The following SEC14L1 variants were observed in gnomAD, a reference collection of about 807,000 sequenced individuals.
SEC14L1 encodes the protein SEC14 like lipid binding 1.
A neutral mutation model predicts 85.3 loss-of-function variants in SEC14L1; 48 were observed. The ratio of observed to expected loss-of-function variants is 0.56; its 90% CI spans 0.45 to 0.72. The LOEUF (loss-of-function observed/expected upper bound fraction) is 0.72. SEC14L1 is among the 30% of genes least tolerant of loss of function. The probability of loss-of-function intolerance (pLI) is 0.00; values close to 1 mark genes in which losing one functional copy is unlikely to be tolerated. For synonymous variants in SEC14L1, 391 were observed against 355.5 expected (o/e 1.10, Z -1.12); for missense variants, 682 against 921.4 (o/e 0.74, Z 3.36).
chr17:77,162,714 C>A (rs1974118636), intron 3 of SEC14L1, among the ~76,000 whole-genome samples: 1 of 151,826 alleles, frequency 6.6e-6, no homozygotes, highest in Admixed American at 6.6e-5. Flanking sequence ...CCTGTAATCG[C>A]AGCTACTCGG....
chr17:77,206,373 C>T lies in SEC14L1; in HGVS notation c.1314C>T (p.Pro438=), dbSNP rs201770188. ...TLGRLLILRA[P]RVFPVLWTLV... The stretch of plus-strand genomic sequence containing the variant: ...GCCGCCTTCTCATCCTGCGGGCGCC[C>T]AGGGTATTTCCTGTGCTCTGGACGC... Residue 438 remains proline, a synonymous_variant, in exon 12 of 17, where the codon CCC becomes CCT. Coordinates refer to ENST00000436233, the MANE Select transcript of SEC14L1 (RefSeq NM_001143998.2). The surrounding 1 kb of genome is among the most constrained non-coding windows in gnomAD (Gnocchi z 4.3). 3.1e-6 allele frequency: 5 copies of T among 1,614,060 alleles called. No homozygotes were observed. Among genetic ancestry groups the T allele is most frequent in the Non-Finnish European group, 3.4e-6 (4 of 1,179,998 alleles).
At chr17:77,131,190 G>A (rs1027692529) in intron 3 of SEC14L1, among the ~76,000 whole-genome samples, 3 of 152,222 alleles carry the variant, frequency 2.0e-5, no homozygotes, top group Non-Finnish European at 2.9e-5. Context: ...TTGTGGAACC[G>A]AATAGGCTGT....
intron 3 of SEC14L1, among the ~76,000 whole-genome samples, chr17:77,110,788 G>A (rs1168637072): frequency 6.6e-6 from 1 of 150,798 alleles, no homozygotes; most frequent in Non-Finnish European, 1.5e-5. Context: ...GGAGGCTGAG[G>A]CAGGAGAATG....
At position 77,213,022 on chromosome 17, in the gene SEC14L1, G is replaced by A. The variant is rs1272113247; in HGVS notation, c.1864-292G>A. On this transcript the variant is annotated intron_variant, in intron 15 of 16. Coordinates refer to ENST00000436233, the MANE Select transcript of SEC14L1 (RefSeq NM_001143998.2). This position sits in a 1 kb window ranked among gnomAD's most constrained non-coding sequence, Gnocchi z 7.1. Reference sequence around the variant, plus strand: ...CCTCCAGCATGGGTGCCACCAGCCTGCCAGGCTCCTGCCTCCGTAGGTGGG... The same window carrying A: ...CCTCCAGCATGGGTGCCACCAGCCTACCAGGCTCCTGCCTCCGTAGGTGGG... 1.3e-5 allele frequency among the ~76,000 whole-genome samples: 2 copies of A among 152,232 alleles called. No homozygotes were observed. Among genetic ancestry groups the A allele is most frequent in the African/African-American group, 4.8e-5 (2 of 41,472 alleles).
rs564711885 is a variant in SEC14L1, at chr17:77,214,863, T to C, written c.*840T>C. Reference sequence around the variant, plus strand: ...AGTGTAGGCCATCTCCTCTGTGCCCTCTGGTGGCTCATTGTCCTCAGAGCC... The same window carrying C: ...AGTGTAGGCCATCTCCTCTGTGCCCCCTGGTGGCTCATTGTCCTCAGAGCC... On this transcript the variant is annotated 3_prime_UTR_variant, in exon 17 of 17. Transcript: ENST00000436233. 47 of 985,452 alleles carry C rather than the reference T, an allele frequency of 4.8e-5. 1 individual carries two copies. In the South Asian group the frequency reaches 1.8e-3, roughly 37 times the overall value. The allele number at this position is 985,452 out of a possible 1,614,324, so 61.0% of individuals were successfully genotyped here.
At chr17:77,145,613 G>A (rs1338941131) in intron 3 of SEC14L1, among the ~76,000 whole-genome samples, 1 of 152,164 alleles carries the variant, frequency 6.6e-6, no homozygotes, top group Non-Finnish European at 1.5e-5. Context: ...CATGTTATCT[G>A]TGCTGTTTTG....
intron 14 of SEC14L1, chr17:77,211,749 T>C: frequency 1.6e-6 from 1 of 644,616 alleles, no homozygotes; most frequent in Admixed American, 2.9e-5. Flanking sequence ...CAGAGCTTGG[T>C]GCATGACATG....
At position 77,206,646 on chromosome 17, in the gene SEC14L1, C is replaced by G. The variant is rs566918143; in HGVS notation, c.1342-82C>G. 3.5e-5 allele frequency: 53 copies of G among 1,505,774 alleles called. No homozygotes were observed. In the South Asian group the frequency reaches 6.2e-4, roughly 18 times the overall value. 93.3% of individuals were successfully genotyped at this position (1,505,774 alleles called of 1,614,324 possible). On this transcript the variant is annotated intron_variant, in intron 12 of 16. Transcript: ENST00000436233. The surrounding 1 kb of genome is among the most constrained non-coding windows in gnomAD (Gnocchi z 4.3). ...TGAATGTCTTCCCCCCACCCTCCCA[C>G]TCAGAATACCACATTGTCATTTTAA...
chr17:77,182,938 G>T (rs932690426), intron 3 of SEC14L1, among the ~76,000 whole-genome samples: 1 of 152,262 alleles, frequency 6.6e-6, no homozygotes, highest in Non-Finnish European at 1.5e-5. Context: ...GCCCCAAGGA[G>T]CTGGAGCCAG....
At chr17:77,184,590 A>G (rs976429261) in intron 3 of SEC14L1, among the ~76,000 whole-genome samples, 1 of 152,112 alleles carries the variant, frequency 6.6e-6, no homozygotes, top group African/African-American at 2.4e-5. Context: ...TCCCTTGGGC[A>G]TATGCCCATC....
Position 77,216,637 on chromosome 17 carries a change from A to C in SEC14L1, c.*2614A>C, listed in dbSNP as rs1278823173. On this transcript the variant is annotated 3_prime_UTR_variant, in exon 17 of 17. Transcript: ENST00000436233. ...ATGTTTATAGAACTGTTTGAATTGC[A>C]GCCATCCCCTGCCCCCTCCCAGGCT... 1.2e-6 allele frequency: 2 copies of C among 1,611,622 alleles called. No homozygotes were observed. The highest frequency in any genetic ancestry group is 8.5e-7 in the Non-Finnish European group (1 of 1,178,196).
At chr17:77,105,919 G>A (rs948685742) in intron 3 of SEC14L1, among the ~76,000 whole-genome samples, 1 of 152,054 alleles carries the variant, frequency 6.6e-6, no homozygotes, top group Non-Finnish European at 1.5e-5. Context: ...AAGCCCCAGG[G>A]AGGGGATTTG....
intron 3 of SEC14L1, among the ~76,000 whole-genome samples, chr17:77,188,344 G>A (rs1323424812): frequency 1.3e-5 from 2 of 151,136 alleles, no homozygotes; most frequent in Non-Finnish European, 2.9e-5. Flanking sequence ...TTCTGTTTTC[G>A]GTTTCTCTAG....
chr17:77,216,639 C>T lies in SEC14L1; in HGVS notation c.*2616C>T. On this transcript the variant is annotated 3_prime_UTR_variant, in exon 17 of 17. Coordinates refer to ENST00000436233, the MANE Select transcript of SEC14L1 (RefSeq NM_001143998.2). Reference sequence around the variant, plus strand: ...GTTTATAGAACTGTTTGAATTGCAGCCATCCCCTGCCCCCTCCCAGGCTGA... The same window carrying T: ...GTTTATAGAACTGTTTGAATTGCAGTCATCCCCTGCCCCCTCCCAGGCTGA... 1.2e-6 allele frequency: 2 copies of T among 1,610,946 alleles called. No individual in the cohort carries two copies. Among genetic ancestry groups the T allele is most frequent in the Non-Finnish European group, 1.7e-6 (2 of 1,177,616 alleles).
rs1461126216 is a variant in SEC14L1, at chr17:77,216,506, G to A, written c.*2483G>A. 1.2e-6 allele frequency: 2 copies of A among 1,613,082 alleles called. No homozygotes were observed. The highest frequency in any genetic ancestry group is 8.5e-7 in the Non-Finnish European group (1 of 1,179,326). ...TCCTGTTCCCAAATCACAAGGGCCT[G>A]AAGGTGGTCCCTGCTTTCTCTTTCT... On this transcript the variant is annotated 3_prime_UTR_variant, in exon 17 of 17. Coordinates refer to ENST00000436233, the MANE Select transcript of SEC14L1 (RefSeq NM_001143998.2).
In SEC14L1 at chr17:77,111,191, G is replaced by GA. The variant is rs57425211; in HGVS notation, c.-136+17862dup. Among the ~76,000 whole-genome samples the GA allele has an allele frequency of 2.6e-3, 260 of 101,118 alleles. 1 individual carries two copies. Among genetic ancestry groups the GA allele is most frequent in the African/African-American group, 5.7e-3 (141 of 24,628 alleles). 66.3% of individuals were successfully genotyped at this position (101,118 alleles called of 152,430 possible). A position where few individuals can be genotyped will look rare whatever the true frequency, so the allele number is the denominator to read the frequency against. ...ACAGAGCGAGACTCTGTCTCAAAAA[G>GA]AAAAAAAAAAAAAAAAAATACATGT... On this transcript the variant is annotated intron_variant, in intron 3 of 19. Coordinates refer to the SEC14L1 transcript ENST00000392476.
At chr17:77,089,632 G>A (rs1025847327) in intron 2 of SEC14L1, 8 of 390,732 alleles carry the variant, frequency 2.0e-5, no homozygotes, top group Admixed American at 3.5e-5. Flanking sequence ...TAAATGTTAC[G>A]GATACAGAGA....
chr17:77,195,312 T>TTTTG (rs910098819), intron 7 of SEC14L1, among the ~76,000 whole-genome samples: 3 of 151,112 alleles, frequency 2.0e-5, no homozygotes, highest in African/African-American at 7.3e-5. Context: ...AGGTGTTTTT[T>TTTTG]TTTGTTTGTT....
intron 3 of SEC14L1, among the ~76,000 whole-genome samples, chr17:77,171,145 C>G (rs1402257454): frequency 6.6e-6 from 1 of 152,158 alleles, no homozygotes; most frequent in African/African-American, 2.4e-5. Context: ...CAACTATCCA[C>G]AATTTACCTA....
Sources: gnomAD v4.1 joint callset for allele counts (sites outside exome capture counted in the v4.1 genomes callset) on GRCh38, gnomAD v4.1.1 for gene constraint, Gnocchi (gnomAD v3.1) non-coding constraint, MANE v1.5 for transcripts, NCBI Gene and HGNC (gene_info 2026-07-23, HGNC 2026-07-21) for gene names.